Variants in SH2D4B observed in about 807,000 individuals in gnomAD.
SH2D4B encodes the protein SH2 domain-containing protein 4B.
SH2D4B carries 45 observed loss-of-function variants against 61.5 expected under a neutral mutation model. That is an observed-to-expected ratio of 0.73 (90% CI 0.58 to 0.94). SH2D4B has a LOEUF of 0.94. Ranked by LOEUF, SH2D4B falls within the 40% of genes least tolerant of loss-of-function variation. The probability of loss-of-function intolerance (pLI) is 0.00; values close to 1 mark genes in which losing one functional copy is unlikely to be tolerated. For missense variants in SH2D4B, 572 were observed against 574.2 expected, an observed-to-expected ratio of 1.00 and a Z score of 0.04; for synonymous variants, 224 against 220.4, an observed-to-expected ratio of 1.02 and a Z score of -0.14.
intron 7 of SH2D4B, among the ~76,000 whole-genome samples, chr10:80,638,266 G>A (rs1490428290): frequency 6.6e-6 from 1 of 152,150 alleles, no homozygotes; most frequent in Non-Finnish European, 1.5e-5. Context: ...TTGTGTCTCT[G>A]CCAGGCTTTG....
At chr10:80,563,656 T>G (rs1841933938) in intron 1 of SH2D4B, among the ~76,000 whole-genome samples, 1 of 152,228 alleles carries the variant, frequency 6.6e-6, no homozygotes, top group African/African-American at 2.4e-5. Flanking sequence ...TATTTAAAAT[T>G]TTCTCAGTTT....
intron 1 of SH2D4B, among the ~76,000 whole-genome samples, chr10:80,544,363 G>A (rs1244397175): frequency 3.9e-5 from 6 of 152,100 alleles, no homozygotes; most frequent in Admixed American, 2.6e-4. Context: ...AACAAACTCC[G>A]GATACACCGC....
intron 6 of SH2D4B, among the ~76,000 whole-genome samples, chr10:80,611,247 C>G (rs572696684): frequency 6.7e-6 from 1 of 148,376 alleles, no homozygotes; most frequent in Admixed American, 6.7e-5. Flanking sequence ...ACTTGGAGAA[C>G]CACACATTGG....
At chr10:80,572,984 A>ATTTTT (rs1283153702) in intron 3 of SH2D4B, among the ~76,000 whole-genome samples, 6 of 8,298 alleles carry the variant, frequency 7.2e-4, no homozygotes, top group Non-Finnish European at 1.0e-3. Context: ...ATATATATAT[A>ATTTTT]TATTTTTTTT....
At chr10:80,595,659 C>G (rs963607667) in intron 4 of SH2D4B, among the ~76,000 whole-genome samples, 3 of 152,168 alleles carry the variant, frequency 2.0e-5, no homozygotes, top group African/African-American at 7.2e-5. Flanking sequence ...TCAATGAAAG[C>G]CTAAGAGATT....
At chr10:80,606,184 G>C (rs768490508) in intron 5 of SH2D4B, among the ~76,000 whole-genome samples, 1 of 152,018 alleles carries the variant, frequency 6.6e-6, no homozygotes, top group Admixed American at 6.5e-5. Flanking sequence ...GATGCATGCC[G>C]CTGATGGGAG....
intron 1 of SH2D4B, among the ~76,000 whole-genome samples, chr10:80,550,208 G>C (rs1841739989): frequency 6.6e-5 from 10 of 152,174 alleles, no homozygotes; most frequent in Admixed American, 6.5e-4. Context: ...GCCTGTGCTA[G>C]GCCCTTTAAG....
intron 1 of SH2D4B, among the ~76,000 whole-genome samples, chr10:80,548,860 G>A (rs1841717722): frequency 6.6e-6 from 1 of 152,204 alleles, no homozygotes; most frequent in East Asian, 1.9e-4. Context: ...GACTTAGGGA[G>A]CAAGGGCTTT....
At chr10:80,565,108 G>C (rs942269105) in intron 1 of SH2D4B, among the ~76,000 whole-genome samples, 1 of 152,284 alleles carries the variant, frequency 6.6e-6, no homozygotes, top group African/African-American at 2.4e-5. Context: ...ATGGCCGCTG[G>C]GATTGGCCAA....
At chr10:80,588,019 C>T (rs1286858734) in intron 3 of SH2D4B, among the ~76,000 whole-genome samples, 2 of 152,162 alleles carry the variant, frequency 1.3e-5, no homozygotes, top group African/African-American at 2.4e-5. Flanking sequence ...TTAGGTGGCA[C>T]GATCACCACC....
chr10:80,542,755 G>A lies in SH2D4B; in HGVS notation c.184+4240G>A, dbSNP rs545097241. On this transcript the variant is annotated intron_variant, in intron 1 of 7. Transcript: ENST00000646907. Reference sequence around the variant, plus strand: ...CTGTTAAATTGGTTCCTCTGTGACCGCCTCTCATCCTTCTGGATGCTTTTG... The same window carrying A: ...CTGTTAAATTGGTTCCTCTGTGACCACCTCTCATCCTTCTGGATGCTTTTG... Among the ~76,000 whole-genome samples the A allele has an allele frequency of 2.4e-4, 37 of 151,954 alleles. No homozygotes were observed. The South Asian group carries it at 4.6e-3, about 19-fold the overall frequency.
At chr10:80,552,087 A>C (rs758301158) in intron 1 of SH2D4B, among the ~76,000 whole-genome samples, 21 of 152,152 alleles carry the variant, frequency 1.4e-4, no homozygotes, top group Non-Finnish European at 2.2e-4. Flanking sequence ...CTCTTGCCCT[A>C]ATTACCTTCC....
intron 4 of SH2D4B, among the ~76,000 whole-genome samples, chr10:80,589,017 T>G (rs1842294893): frequency 6.6e-6 from 1 of 152,046 alleles, no homozygotes; most frequent in Non-Finnish European, 1.5e-5. Context: ...TTTTTGTTCT[T>G]TTTTGAGACG....
At chr10:80,614,200 A>C (rs913443631) in intron 6 of SH2D4B, among the ~76,000 whole-genome samples, 54 of 152,328 alleles carry the variant, frequency 3.5e-4, no homozygotes, top group African/African-American at 1.3e-3. Context: ...AAAGTGGTTT[A>C]ATTGACTCAC....
intron 1 of SH2D4B, among the ~76,000 whole-genome samples, chr10:80,543,501 T>C (rs1841614830): frequency 6.6e-6 from 1 of 152,184 alleles, no homozygotes; most frequent in Non-Finnish European, 1.5e-5. Context: ...ACCCCCTGCC[T>C]CCGTGGGCTC....
Position 80,634,415 on chromosome 10 carries a change from TC to T in SH2D4B, c.1120del (p.Val375TrpfsTer134). On this transcript the variant is annotated frameshift_variant, in exon 7 of 8. Transcript: ENST00000646907. LOFTEE classifies it high-confidence loss of function. ...GCCTGCAGAAAGGGTTCAAACACTT[TC>T]TTGTGGATGCTTCTGGGGATTTTTA... ...YRLQKGFKHF[L>X]VDASGDFYSF... 1 of 1,550,560 alleles carries T rather than the reference TC, an allele frequency of 6.4e-7. No homozygotes were observed. Among genetic ancestry groups the T allele is most frequent in the South Asian group, 1.2e-5 (1 of 84,060 alleles).
chr10:80,621,467 T>C (rs1055460087), intron 6 of SH2D4B, among the ~76,000 whole-genome samples: 2 of 152,256 alleles, frequency 1.3e-5, no homozygotes, highest in Non-Finnish European at 1.5e-5. Context: ...TAACTTAAAA[T>C]TTCCCATTAA....
At chr10:80,600,550 T>C (rs1201725211) in intron 4 of SH2D4B, among the ~76,000 whole-genome samples, 3 of 151,686 alleles carry the variant, frequency 2.0e-5, no homozygotes, top group Admixed American at 1.3e-4. Context: ...TGTGTGTGTG[T>C]GTGCTGGGGA....
chr10:80,593,998 C>T (rs982120029), intron 4 of SH2D4B, among the ~76,000 whole-genome samples: 23 of 151,876 alleles, frequency 1.5e-4, no homozygotes, highest in Middle Eastern at 3.4e-3. Context: ...ATATTTTTAG[C>T]GACGGGGTTT....
Sources: allele counts gnomAD v4.1 joint callset (sites outside exome capture counted in the v4.1 genomes callset), GRCh38; gene constraint gnomAD v4.1.1; transcripts MANE v1.5; gene names NCBI Gene and HGNC (gene_info 2026-07-23, HGNC 2026-07-21).